The following GOLGA8M variants were observed in gnomAD, a reference collection of about 807,000 sequenced individuals.
The protein encoded by GOLGA8M is golgin subfamily A member 8M.
Under a neutral mutation model 87.7 loss-of-function variants are expected in GOLGA8M, and 34 were observed. The observed-to-expected ratio is 0.39, with a 90% CI of 0.29 to 0.52. The LOEUF is 0.52. Among genes scored for constraint, GOLGA8M ranks in the 20% least tolerant of loss-of-function variants. GOLGA8M has a pLI of 0.80. For synonymous variants in GOLGA8M, 138 were observed against 250.2 expected, an observed-to-expected ratio of 0.55 and a Z score of 4.23; for missense variants, 396 against 682.2, an observed-to-expected ratio of 0.58 and a Z score of 4.67.
At position 28,703,860 on chromosome 15, in the gene GOLGA8M, T is replaced by A; in HGVS notation, c.1258A>T (p.Met420Leu). 6.3e-7 allele frequency: 1 copy of A among 1,578,062 alleles called. No homozygotes were observed. Among genetic ancestry groups the A allele is most frequent in the South Asian group, 1.1e-5 (1 of 89,664 alleles). Residue 420 changes from methionine (M) to leucine (L), a missense_variant, in exon 14 of 19, where the codon ATG (methionine) becomes TTG (leucine). Physicochemically the swap from Met to Leu is conservative, Grantham distance 15. Around this residue, in one of 12 missense-constraint regions of GOLGA8M, gnomAD observed 44 missense variants for 46.7 expected, o/e 0.94. Coordinates refer to ENST00000563027, the MANE Select transcript of GOLGA8M (RefSeq NM_001282468.3). The stretch of plus-strand genomic sequence containing the variant: ...CCCGTACCTTCCCCAGGGAGAGCCA[T>A]GAGGCTCAGCTGGGCCGTTAGCTGC... ...NQQLTAQLSL[M>L]ALPGEGHGGE...
Position 28,702,703 on chromosome 15 carries a change from C to T in GOLGA8M, c.1411G>A (p.Glu471Lys), listed in dbSNP as rs764356189. Residue 471 changes from glutamate to lysine, a missense_variant, in exon 16 of 19, where the codon GAG becomes AAG. Glu to Lys is a moderately conservative substitution (Grantham distance 56). This residue lies in a region of GOLGA8M where 173 missense variants were observed against 150.2 expected (regional missense o/e 1.15). Transcript: ENST00000563027. The part of the protein sequence containing the change: ...DHLEEKADLS[E>K]LVKKQELRFI... ...CGAAGTTCTTGTTTCTTCACAAGCT[C>T]ACTCAGGTCTGCCTTCTCCTCCAGG... 1 of 1,603,188 alleles carries T rather than the reference C, an allele frequency of 6.2e-7. No individual in the cohort carries two copies. The highest frequency in any genetic ancestry group is 1.3e-5 in the African/African-American group (1 of 74,346).
chr15:28,703,558 A>G (rs2079896468), intron 14 of GOLGA8M, 148 bp from the exon 15 acceptor site: 1 of 560,478 alleles, frequency 1.8e-6, no homozygotes, highest in Non-Finnish European at 3.0e-6. Context: ...ACTTTTAAGA[A>G]TCAAGATCTT....
In GOLGA8M at chr15:28,702,566, C is replaced by A. The variant is rs536954289; in HGVS notation, c.1470-4G>T. The A allele has an allele frequency of 1.9e-6, 3 of 1,607,530 alleles. No individual in the cohort carries two copies. Among genetic ancestry groups the A allele is most frequent in the Non-Finnish European group, 1.7e-6 (2 of 1,179,680 alleles). ...TGATAAAAGGTGATGGATTTTCCTG[C>A]GGGAGGACGGGGCTCAGACGCTGGG... On this transcript the variant is annotated splice_polypyrimidine_tract_variant and splice_region_variant and intron_variant, in intron 16 of 18. Coordinates refer to ENST00000563027, the MANE Select transcript of GOLGA8M (RefSeq NM_001282468.3).
In GOLGA8M at chr15:28,702,024, T is replaced by G. The variant is rs531822076; in HGVS notation, c.1829A>C (p.His610Pro). 82 of 1,597,774 alleles carry G rather than the reference T, an allele frequency of 5.1e-5. No homozygotes were observed. Among genetic ancestry groups the G allele is most frequent in the Admixed American group, 2.0e-4 (12 of 59,916 alleles). Residue 610 changes from histidine to proline, a missense_variant, in exon 19 of 19, where the codon CAC (histidine) becomes CCC (proline). Physicochemically the swap from His to Pro is moderately conservative, Grantham distance 77. Coordinates refer to ENST00000563027, the MANE Select transcript of GOLGA8M (RefSeq NM_001282468.3). ...AQPIVQDHQE[H>P]PGLGSNCCVP... ...ACAGCAGTTGCTGCCCAAGCCTGGG[T>G]GCTCCTGGTGGTCCTGCACGATCGG...
chr15:28,711,809 G>C, intron 1 of GOLGA8M: 7 of 983,502 alleles, frequency 7.1e-6, no homozygotes, highest in Non-Finnish European at 8.4e-6. Flanking sequence ...GCACAGGGTT[G>C]GGACCCAGCT....
intron 8 of GOLGA8M, among the ~76,000 whole-genome samples, chr15:28,707,386 A>G (rs1259744518): frequency 1.4e-5 from 2 of 142,640 alleles, no homozygotes; most frequent in Non-Finnish European, 3.0e-5. Context: ...ACACACACAC[A>G]TGCACACGTT....
At chr15:28,705,960 C>T (rs368915115) in intron 11 of GOLGA8M, among the ~76,000 whole-genome samples, 156 bp downstream of exon 11, 8,212 of 149,376 alleles carry the variant, frequency 0.055, 66 homozygotes, top group African/African-American at 0.12. Flanking sequence ...GACACTGAGA[C>T]TCATTGAGAT....
intron 8 of GOLGA8M, 84 bp from the exon 9 acceptor site, chr15:28,706,783 C>G (rs1222890571): frequency 2.2e-6 from 3 of 1,347,394 alleles, no homozygotes; most frequent in African/African-American, 3.2e-5. Flanking sequence ...CGGGCTAGGC[C>G]CAATATACAA....
chr15:28,702,124 A>T lies in GOLGA8M; in HGVS notation c.1729T>A (p.Cys577Ser), dbSNP rs200138830. 1 of 1,566,636 alleles carries T rather than the reference A, an allele frequency of 6.4e-7. No homozygotes were observed. The highest frequency in any genetic ancestry group is 8.6e-7 in the Non-Finnish European group (1 of 1,160,544). Residue 577 changes from cysteine to serine, a missense_variant, in exon 19 of 19, where the codon TGT becomes AGT. This residue lies in a region of GOLGA8M where 173 missense variants were observed against 150.2 expected (regional missense o/e 1.15). Transcript: ENST00000563027. Reference protein sequence around the residue: ...LGAADKHGDLCEVSLTSSAQG... With the variant: ...LGAADKHGDLSEVSLTSSAQG... ...GCAGAGGAGGTGAGGCTCACCTCAC[A>T]AAGATCTTTGGAGAGAGGGAGGCAG...
intron 7 of GOLGA8M, 24 bp from the exon 8 acceptor site, chr15:28,707,881 G>A: frequency 6.3e-7 from 1 of 1,576,080 alleles, no homozygotes; most frequent in Non-Finnish European, 8.5e-7. Context: ...GTTGAGATGG[G>A]GCCCAAAGGA....
intron 13 of GOLGA8M, among the ~76,000 whole-genome samples, chr15:28,704,676 G>C (rs1264694167): frequency 7.0e-6 from 1 of 142,564 alleles, no homozygotes; most frequent in African/African-American, 2.7e-5. Flanking sequence ...CTCCTGGGTT[G>C]AAGCAATTCT....
intron 15 of GOLGA8M, 116 bp from the exon 16 acceptor site, chr15:28,702,861 C>A (rs2079853138): frequency 1.3e-6 from 2 of 1,550,700 alleles, no homozygotes. Context: ...CCGTGACTTC[C>A]TGCAGGGCCC....
At chr15:28,703,116 C>G (rs2079867898) in intron 15 of GOLGA8M, among the ~76,000 whole-genome samples, 1 of 133,812 alleles carries the variant, frequency 7.5e-6, no homozygotes, top group Non-Finnish European at 1.5e-5. Context: ...ACAAATGGGG[C>G]AGAGAGGTGG....
chr15:28,709,835 G>A (rs1020785857), intron 2 of GOLGA8M, among the ~76,000 whole-genome samples: 17 of 150,402 alleles, frequency 1.1e-4, no homozygotes, highest in Non-Finnish European at 1.9e-4. Flanking sequence ...CCTTGAGACT[G>A]GGGATGAGGA....
chr15:28,702,815 G>A, intron 15 of GOLGA8M, 70 bp from the exon 16 acceptor site: 1 of 1,577,576 alleles, frequency 6.3e-7, no homozygotes, highest in Non-Finnish European at 8.5e-7. Context: ...AAGTCATGGA[G>A]AAGGTGGAGG....
chr15:28,702,149 G>A lies in GOLGA8M; in HGVS notation c.1724-20C>T. On this transcript the variant is annotated intron_variant, in intron 18 of 18. Coordinates refer to ENST00000563027, the MANE Select transcript of GOLGA8M (RefSeq NM_001282468.3). The stretch of plus-strand genomic sequence containing the variant: ...AAAGATCTTTGGAGAGAGGGAGGCA[G>A]GGATCTGAGCACAGTGGGAGCCCCC... 3.8e-6 allele frequency: 6 copies of A among 1,577,926 alleles called. No homozygotes were observed. Among genetic ancestry groups the A allele is most frequent in the Non-Finnish European group, 5.1e-6 (6 of 1,171,328 alleles).
rs1348291144 is a variant in GOLGA8M at position 28,699,110 on chromosome 15, A to G, written c.*2844T>C. 6.7e-6 allele frequency among the ~76,000 whole-genome samples: 1 copy of G among 150,350 alleles called. No homozygotes were observed. Among genetic ancestry groups the G allele is most frequent in the Non-Finnish European group, 1.5e-5 (1 of 67,980 alleles). ...TTTAAAGTTTTAGAGAAACTATATT[A>G]TGGATAGGGCTGATTTACATTTTCA... On this transcript the variant is annotated 3_prime_UTR_variant, in exon 19 of 19. Transcript: ENST00000563027.
Position 28,702,512 on chromosome 15 carries a change from G to A in GOLGA8M, c.1520C>T (p.Ala507Val). The change falls in exon 17 of 19, where the codon GCA (alanine) becomes GTA (valine). Residue 507 changes from alanine to valine, a missense_variant. By Grantham distance (64) the Ala-to-Val change is moderately conservative. Coordinates refer to ENST00000563027, the MANE Select transcript of GOLGA8M (RefSeq NM_001282468.3). ...SEPGGRAKDA[A>V]LGGGHHQAGA... ...AGCCTGATGGTGTCCTCCTCCCAGT[G>A]CCGCATCTTTGGCACGGCCCCCTGG... The A allele has an allele frequency of 6.3e-7, 1 of 1,594,976 alleles. No individual in the cohort carries two copies. The highest frequency in any genetic ancestry group is 8.5e-7 in the Non-Finnish European group (1 of 1,179,092).
intron 5 of GOLGA8M, 40 bp downstream of exon 5, chr15:28,708,335 C>T (rs911102032): frequency 1.2e-6 from 2 of 1,608,240 alleles, no homozygotes; most frequent in South Asian, 2.2e-5. Flanking sequence ...GGTGAGCCTT[C>T]TTCCAGCAGT....
Sources: allele counts gnomAD v4.1 joint callset (sites outside exome capture counted in the v4.1 genomes callset), GRCh38; gene constraint gnomAD v4.1.1; regional missense constraint gnomAD v4.1.1; transcripts MANE v1.5; gene names NCBI Gene and HGNC (gene_info 2026-07-23, HGNC 2026-07-21).